The following PTH2R variants were observed in gnomAD, a reference collection of about 807,000 sequenced individuals.
PTH2R encodes parathyroid hormone 2 receptor, also known as PTH2 receptor.
Under a neutral mutation model 60.3 loss-of-function variants are expected in PTH2R, and 59 were observed. That is an observed-to-expected ratio of 0.98 (90% confidence interval 0.79 to 1.22). The LOEUF is 1.22. PTH2R is among the 50% of genes most tolerant of loss of function. The pLI, the probability that PTH2R is intolerant of heterozygous loss-of-function variation, is 0.00. For missense variants in PTH2R, 749 were observed against 682.6 expected, an observed-to-expected ratio of 1.10 and a Z score of -1.08; for synonymous variants, 256 against 243.8, an observed-to-expected ratio of 1.05 and a Z score of -0.47.
Position 208,437,985 on chromosome 2 carries a change from C to T in PTH2R, c.411+104C>T, listed in dbSNP as rs907760832. The T allele has an allele frequency of 3.5e-5, 49 of 1,382,590 alleles. 1 individual carries two copies. Among genetic ancestry groups the T allele is most frequent in the South Asian group, 2.3e-4 (17 of 74,740 alleles). 85.6% of individuals were successfully genotyped at this position (1,382,590 alleles called of 1,614,324 possible). On this transcript the variant is annotated intron_variant, in intron 4 of 12. Transcript: ENST00000272847. ...TATGTATAAAAACCCTCTTATTCCACGACACAAGGATCATAAAAGATAAAA... is the reference window on the plus strand; with the variant it reads ...TATGTATAAAAACCCTCTTATTCCATGACACAAGGATCATAAAAGATAAAA...
At position 208,421,741 on chromosome 2, in the gene PTH2R, C is replaced by A. The variant is rs759378958; in HGVS notation, c.76-6460C>A. Among the ~76,000 whole-genome samples the A allele has an allele frequency of 5.5e-4, 83 of 152,220 alleles. 1 individual carries two copies. Among genetic ancestry groups the A allele is most frequent in the Non-Finnish European group, 1.1e-3 (78 of 68,010 alleles). ...AAGGAAAATAAAATAATTATAAGTTCATGTGAACTTTTTTGAGGCCTGTGG... is the reference window on the plus strand; with the variant it reads ...AAGGAAAATAAAATAATTATAAGTTAATGTGAACTTTTTTGAGGCCTGTGG... On this transcript the variant is annotated intron_variant, in intron 1 of 12. Transcript: ENST00000272847.
chr2:208,475,505 T>C (rs1029788425), intron 9 of PTH2R, among the ~76,000 whole-genome samples: 3 of 152,170 alleles, frequency 2.0e-5, no homozygotes, highest in Middle Eastern at 6.3e-3. Flanking sequence ...TTTGCAGTAG[T>C]TCAGGCAGTA....
At chr2:208,487,581 G>A (rs999890639) in intron 10 of PTH2R, among the ~76,000 whole-genome samples, 9 of 152,178 alleles carry the variant, frequency 5.9e-5, no homozygotes, top group African/African-American at 2.2e-4. Flanking sequence ...TGCTGCAAAA[G>A]GAATGACCAC....
At chr2:208,365,107 T>G (rs1700552364) in intron 1 of PTH2R, among the ~76,000 whole-genome samples, 1 of 151,860 alleles carries the variant, frequency 6.6e-6, no homozygotes, top group African/African-American at 2.4e-5. Context: ...GATCATGCCA[T>G]CTACAAACAG....
chr2:208,448,193 A>T (rs980719149), intron 7 of PTH2R, among the ~76,000 whole-genome samples: 2 of 152,184 alleles, frequency 1.3e-5, no homozygotes, highest in Non-Finnish European at 2.9e-5. Context: ...TCCACTTGGC[A>T]GTAAGTGTTT....
intron 1 of PTH2R, among the ~76,000 whole-genome samples, chr2:208,422,282 G>A (rs1701771594): frequency 6.6e-6 from 1 of 152,176 alleles, no homozygotes; most frequent in Admixed American, 6.5e-5. Context: ...CTGATTCAAA[G>A]GTTAATCTTG....
rs565164517 is a variant in PTH2R, at chr2:208,425,171, A to G, written c.76-3030A>G. On this transcript the variant is annotated intron_variant, in intron 1 of 12. Transcript: ENST00000272847. The stretch of plus-strand genomic sequence containing the variant: ...CTTCTTAAAAATTATAATTTTTATG[A>G]CCTTAAGGAGGTCATAATCATTGTG... Among the ~76,000 whole-genome samples the G allele has an allele frequency of 2.0e-5, 3 of 152,304 alleles. No homozygotes were observed. In the East Asian group the frequency reaches 5.8e-4, roughly 29 times the overall value.
intron 1 of PTH2R, among the ~76,000 whole-genome samples, chr2:208,427,601 A>G (rs572708716): frequency 2.0e-5 from 3 of 152,194 alleles, no homozygotes; most frequent in Non-Finnish European, 4.4e-5. Flanking sequence ...TGTGCTGTAA[A>G]TATCTTAGAA....
chr2:208,422,243 C>T (rs1455707291), intron 1 of PTH2R, among the ~76,000 whole-genome samples: 2 of 152,058 alleles, frequency 1.3e-5, no homozygotes, highest in Non-Finnish European at 1.5e-5. Context: ...AGTTACATTG[C>T]GGGAGGGCAA....
At chr2:208,437,925 AT>A (rs776727781) in intron 4 of PTH2R, 44 bp downstream of exon 4, 8 of 1,586,950 alleles carry the variant, frequency 5.0e-6, no homozygotes, top group Non-Finnish European at 6.9e-6. Flanking sequence ...GGAAAGCAGA[AT>A]AATATTTTAA....
At chr2:208,376,443 G>A (rs1039362428) in intron 1 of PTH2R, among the ~76,000 whole-genome samples, 27 of 152,058 alleles carry the variant, frequency 1.8e-4, no homozygotes, top group African/African-American at 4.3e-4. Context: ...TGTGATTTTC[G>A]TCAAATAGGC....
At chr2:208,438,203 A>G (rs1367676522) in intron 4 of PTH2R, among the ~76,000 whole-genome samples, 4 of 152,200 alleles carry the variant, frequency 2.6e-5, no homozygotes, top group Admixed American at 2.6e-4. Context: ...GGTTAGTAAC[A>G]TGATTCATGA....
At chr2:208,446,398 A>G (rs1207661207) in intron 7 of PTH2R, among the ~76,000 whole-genome samples, 1 of 152,200 alleles carries the variant, frequency 6.6e-6, no homozygotes, top group Non-Finnish European at 1.5e-5. Context: ...GCTTTTATTA[A>G]TTTGCCCACA....
At chr2:208,370,637 C>T (rs1451484955) in intron 1 of PTH2R, among the ~76,000 whole-genome samples, 1 of 151,848 alleles carries the variant, frequency 6.6e-6, no homozygotes, top group African/African-American at 2.4e-5. Context: ...TTGCAGATCT[C>T]TTACCTCCCA....
rs1703104141 is a variant in PTH2R at position 208,479,810 on chromosome 2, A to G, written c.982-1260A>G. Among the ~76,000 whole-genome samples the G allele has an allele frequency of 2.0e-5, 3 of 152,346 alleles. No individual in the cohort carries two copies. The South Asian group carries it at 6.2e-4, about 32-fold the overall frequency. On this transcript the variant is annotated intron_variant, in intron 9 of 12. Coordinates refer to ENST00000272847, the MANE Select transcript of PTH2R (RefSeq NM_005048.4). The stretch of plus-strand genomic sequence containing the variant: ...GTGGATATTCCAGGTTAAAGCAGTT[A>G]ATCTCTTTGAGCTAAAGTTTCTTCA...
intron 7 of PTH2R, among the ~76,000 whole-genome samples, chr2:208,447,606 AAAATAAAT>A (rs55709644): frequency 6.6e-4 from 93 of 140,234 alleles, no homozygotes; most frequent in African/African-American, 1.5e-3. Context: ...AACAAAAAGA[AAAATAAAT>A]AAATAAATAA....
chr2:208,455,966 A>G (rs961134772), intron 8 of PTH2R, among the ~76,000 whole-genome samples: 1 of 152,142 alleles, frequency 6.6e-6, no homozygotes, highest in African/African-American at 2.4e-5. Context: ...GGGCTGGGCA[A>G]GGTGGCTCAT....
chr2:208,374,642 A>T (rs1290938723), intron 1 of PTH2R, among the ~76,000 whole-genome samples: 1 of 151,994 alleles, frequency 6.6e-6, no homozygotes, highest in African/African-American at 2.4e-5. Context: ...AGCTGGGATT[A>T]CAGGCACCCT....
chr2:208,442,068 G>T (rs1437413), intron 4 of PTH2R, among the ~76,000 whole-genome samples: 1 of 152,114 alleles, frequency 6.6e-6, no homozygotes, highest in Admixed American at 6.5e-5. Flanking sequence ...ATAGTCAAGA[G>T]GTATATGAAG....
Sources: allele counts gnomAD v4.1 joint callset (sites outside exome capture counted in the v4.1 genomes callset), GRCh38; gene constraint gnomAD v4.1.1; transcripts MANE v1.5; gene names NCBI Gene and HGNC (gene_info 2026-07-23, HGNC 2026-07-21).